The following EFHC1 variants were observed in gnomAD, a reference collection of about 807,000 sequenced individuals.
EFHC1 encodes EF-hand domain containing 1, also known as EF-hand domain-containing protein 1.
EFHC1 carries 53 observed loss-of-function variants against 69.9 expected under a neutral mutation model. That is an observed-to-expected ratio of 0.76 (90% confidence interval 0.61 to 0.95). EFHC1 has a LOEUF of 0.95. EFHC1 is among the 40% of genes least tolerant of loss of function. EFHC1 has a pLI of 0.00. For synonymous variants in EFHC1, 256 were observed against 278.4 expected, an observed-to-expected ratio of 0.92 and a Z score of 0.80; for missense variants, 739 against 798.7, an observed-to-expected ratio of 0.93 and a Z score of 0.90.
At chr6:52,428,926 C>T (rs1020857571) in intron 2 of EFHC1, among the ~76,000 whole-genome samples, 8 of 152,168 alleles carry the variant, frequency 5.3e-5, no homozygotes, top group African/African-American at 1.9e-4. Context: ...TTTTGATTTA[C>T]ATTTCCCTGA....
chr6:52,467,475 C>T (rs755491311), intron 6 of EFHC1, among the ~76,000 whole-genome samples: 1 of 152,156 alleles, frequency 6.6e-6, no homozygotes, highest in Non-Finnish European at 1.5e-5. Context: ...GCCACCGCAC[C>T]GGCCTGATCT....
intron 6 of EFHC1, among the ~76,000 whole-genome samples, chr6:52,466,151 C>T (rs1765302394): frequency 6.6e-6 from 1 of 152,046 alleles, no homozygotes; most frequent in Non-Finnish European, 1.5e-5. Flanking sequence ...TTAAAATACA[C>T]CCATTCATAA....
chr6:52,473,394 T>C (rs891435936), intron 7 of EFHC1, among the ~76,000 whole-genome samples: 2 of 152,134 alleles, frequency 1.3e-5, no homozygotes, highest in African/African-American at 4.8e-5. Context: ...ATGTGAAAGG[T>C]AAAACAATAA....
chr6:52,447,182 A>G (rs1250697794), intron 3 of EFHC1, among the ~76,000 whole-genome samples: 2 of 152,204 alleles, frequency 1.3e-5, no homozygotes, highest in Non-Finnish European at 2.9e-5. Flanking sequence ...CATTCTCCCC[A>G]TCACTTTCAG....
rs1320267778 is a variant in EFHC1, at chr6:52,494,286, A to G, written c.*1945A>G. On this transcript the variant is annotated 3_prime_UTR_variant, in exon 11 of 11. Coordinates refer to ENST00000371068, the MANE Select transcript of EFHC1 (RefSeq NM_018100.4). ...TTCAGCTTAAAAATTACCAAGCTCT[A>G]TCCTACTTGGCCCAGCTCAGTCCTT... The G allele has an allele frequency of 6.6e-6, 3 of 453,998 alleles. No individual in the cohort carries two copies. The highest frequency in any genetic ancestry group is 1.3e-5 in the Non-Finnish European group (3 of 226,796). 28.1% of individuals were successfully genotyped at this position (453,998 alleles called of 1,614,324 possible).
chr6:52,481,318 T>G (rs1388428836), intron 9 of EFHC1, among the ~76,000 whole-genome samples: 1 of 152,104 alleles, frequency 6.6e-6, no homozygotes, highest in Non-Finnish European at 1.5e-5. Flanking sequence ...AGCAGTTGCC[T>G]TCTTTGTTGG....
At chr6:52,469,128 A>G (rs906124215) in intron 6 of EFHC1, 17 of 602,842 alleles carry the variant, frequency 2.8e-5, no homozygotes, top group Non-Finnish European at 3.7e-5. Flanking sequence ...ATCATCAGTT[A>G]CTTCTGTGAT....
intron 3 of EFHC1, among the ~76,000 whole-genome samples, chr6:52,449,243 C>T (rs36124871): frequency 0.13 from 19,833 of 151,946 alleles, 1,363 homozygotes; most frequent in Middle Eastern, 0.24. Context: ...ATTAGCCAGG[C>T]GTGGTGGCAG....
Position 52,492,727 on chromosome 6 carries a change from A to C in EFHC1, c.*386A>C, listed in dbSNP as rs1290613040. The C allele has an allele frequency of 2.3e-6, 1 of 442,036 alleles. No individual in the cohort carries two copies. The highest frequency in any genetic ancestry group is 1.6e-5 in the South Asian group (1 of 61,080). The allele number at this position is 442,036 out of a possible 1,614,324, so 27.4% of individuals were successfully genotyped here. ...ACTCCTGGGCTCAAGTGATCCTCCC[A>C]CTTCAACCTCCCCAGTAGCTGGGAC... On this transcript the variant is annotated 3_prime_UTR_variant, in exon 11 of 11. Coordinates refer to ENST00000371068, the MANE Select transcript of EFHC1 (RefSeq NM_018100.4).
chr6:52,446,720 A>G (rs1175821519), intron 3 of EFHC1, among the ~76,000 whole-genome samples: 1 of 152,120 alleles, frequency 6.6e-6, no homozygotes, highest in African/African-American at 2.4e-5. Context: ...TTCCATGTTT[A>G]GTGCTTCCTT....
At position 52,469,489 on chromosome 6, in the gene EFHC1, A is replaced by T. The variant is rs1765388184; in HGVS notation, c.1278+16A>T. ...GGCTGTACTGGTGAGGCTAATTTTT[A>T]TATACTAAAGATTCTCTTCTATCTC... On this transcript the variant is annotated intron_variant, in intron 7 of 10. Transcript: ENST00000371068. The T allele has an allele frequency of 6.2e-7, 1 of 1,613,252 alleles. No individual in the cohort carries two copies. The highest frequency in any genetic ancestry group is 8.5e-7 in the Non-Finnish European group (1 of 1,179,742).
chr6:52,434,166 G>A (rs778915038), intron 2 of EFHC1, among the ~76,000 whole-genome samples: 7 of 152,130 alleles, frequency 4.6e-5, no homozygotes, highest in African/African-American at 1.7e-4. Context: ...TCTGTACACT[G>A]GATTCACACC....
At position 52,493,242 on chromosome 6, in the gene EFHC1, T is replaced by C. The variant is rs1765950923; in HGVS notation, c.*901T>C. 1 of 453,284 alleles carries C rather than the reference T, an allele frequency of 2.2e-6. No homozygotes were observed. The highest frequency in any genetic ancestry group is 4.4e-6 in the Non-Finnish European group (1 of 226,668). 28.1% of individuals were successfully genotyped at this position (453,284 alleles called of 1,614,324 possible). On this transcript the variant is annotated 3_prime_UTR_variant, in exon 11 of 11. Coordinates refer to ENST00000371068, the MANE Select transcript of EFHC1 (RefSeq NM_018100.4). ...AAGTCATAGGCCTTTGGATTCAGACTGGAATTATACCTTTAGCTCTCCTGG... is the reference window on the plus strand; with the variant it reads ...AAGTCATAGGCCTTTGGATTCAGACCGGAATTATACCTTTAGCTCTCCTGG...
intron 2 of EFHC1, among the ~76,000 whole-genome samples, chr6:52,435,508 C>G (rs1764512450): frequency 6.6e-6 from 1 of 152,226 alleles, no homozygotes. Context: ...GTTTACATTT[C>G]TATGAGATCA....
chr6:52,453,001 AG>A, intron 4 of EFHC1, 164 bp downstream of exon 4: 1 of 1,548,654 alleles, frequency 6.5e-7, no homozygotes, highest in Non-Finnish European at 8.7e-7. Flanking sequence ...CAAGGGTTAC[AG>A]GTACAGGAAT....
chr6:52,430,851 A>G (rs1299113971), intron 2 of EFHC1, among the ~76,000 whole-genome samples: 1 of 151,956 alleles, frequency 6.6e-6, no homozygotes, highest in Non-Finnish European at 1.5e-5. Flanking sequence ...TCCTGCTGGT[A>G]GTTTTTTAAT....
intron 7 of EFHC1, among the ~76,000 whole-genome samples, chr6:52,475,257 G>C (rs949310435): frequency 2.6e-5 from 4 of 152,114 alleles, no homozygotes; most frequent in African/African-American, 9.7e-5. Flanking sequence ...AAGGGGAAAA[G>C]GTTTATGAGT....
intron 2 of EFHC1, among the ~76,000 whole-genome samples, chr6:52,435,115 T>A (rs568089647): frequency 6.6e-6 from 1 of 152,296 alleles, no homozygotes; most frequent in Non-Finnish European, 1.5e-5. Flanking sequence ...GTTCATGGCT[T>A]GAAATGTCCT....
rs770380228 is a variant in EFHC1, at chr6:52,438,348, A to C, written c.330A>C (p.Ser110=). 6.2e-7 allele frequency: 1 copy of C among 1,613,784 alleles called. No individual in the cohort carries two copies. The change falls in exon 3 of 11, where the codon TCA becomes TCC. Residue 110 remains serine, a synonymous_variant. Transcript: ENST00000371068. ...ATTTCCAAGAAGATGTTCCTATGTC[A>C]ACTGAGGAACAGTATAGGATCCGTC... is the stretch of plus-strand genomic sequence containing the variant. ...DAYFQEDVPM[S]TEEQYRIRQV... is the part of the protein sequence containing the mutation.
Sources: allele counts gnomAD v4.1 joint callset (sites outside exome capture counted in the v4.1 genomes callset), GRCh38; gene constraint gnomAD v4.1.1; transcripts MANE v1.5; gene names NCBI Gene and HGNC (gene_info 2026-07-23, HGNC 2026-07-21).